Variants in GNG12 observed in about 807,000 individuals in gnomAD.
The protein encoded by GNG12 is guanine nucleotide-binding protein G(I)/G(S)/G(O) subunit gamma-12.
For missense variants in GNG12, 69 were observed against 83.8 expected (o/e 0.82, Z 0.69); for synonymous variants, 28 against 29.7 (o/e 0.94, Z 0.19).
chr1:67,758,345 T>C (rs1021866027), intron 2 of GNG12, among the ~76,000 whole-genome samples: 1 of 152,214 alleles, frequency 6.6e-6, no homozygotes, highest in Non-Finnish European at 1.5e-5. Flanking sequence ...ACTGAACTAA[T>C]ACACCTGGAG....
chr1:67,828,573 T>C (rs919859570), intron 1 of GNG12, among the ~76,000 whole-genome samples: 5 of 152,188 alleles, frequency 3.3e-5, no homozygotes, highest in Admixed American at 3.3e-4. Flanking sequence ...ATATATAATA[T>C]ATACAATTGT....
intron 2 of GNG12, among the ~76,000 whole-genome samples, chr1:67,772,864 C>T (rs1374780830): frequency 6.6e-6 from 1 of 152,220 alleles, no homozygotes; most frequent in Admixed American, 6.5e-5. Context: ...GCAAAAGAGG[C>T]ACCCATAGCT....
intron 1 of GNG12, among the ~76,000 whole-genome samples, chr1:67,788,442 A>G (rs1000547105): frequency 9.2e-5 from 14 of 151,778 alleles, no homozygotes; most frequent in Non-Finnish European, 1.9e-4. Context: ...GGCTCACACA[A>G]TCCTCTTGAG....
intron 1 of GNG12, among the ~76,000 whole-genome samples, chr1:67,826,213 T>C (rs1647009637): frequency 6.6e-6 from 1 of 152,190 alleles, no homozygotes; most frequent in South Asian, 2.1e-4. Flanking sequence ...CTGGTAGCCA[T>C]ATTGTGCCTT....
chr1:67,788,154 T>C (rs1397078224), intron 1 of GNG12, among the ~76,000 whole-genome samples: 1 of 152,200 alleles, frequency 6.6e-6, no homozygotes, highest in Admixed American at 6.5e-5. Context: ...TAATTTACAC[T>C]GAATAATATT....
chr1:67,720,789 C>G (rs1646352386), intron 2 of GNG12, among the ~76,000 whole-genome samples: 1 of 152,124 alleles, frequency 6.6e-6, no homozygotes. Context: ...CCTGGCTTTC[C>G]CAGGCAACAA....
chr1:67,716,006 G>A (rs559125018), intron 2 of GNG12, among the ~76,000 whole-genome samples: 11 of 152,226 alleles, frequency 7.2e-5, no homozygotes, highest in South Asian at 4.1e-4. Context: ...TTGAACCTGC[G>A]GTCAGCTGCA....
chr1:67,815,804 C>A (rs1646950233), intron 1 of GNG12, among the ~76,000 whole-genome samples: 1 of 152,106 alleles, frequency 6.6e-6, no homozygotes. Context: ...AGGAAATGAG[C>A]CAGGATCCAC....
intron 1 of GNG12, among the ~76,000 whole-genome samples, chr1:67,788,310 C>T (rs779821215): frequency 6.6e-6 from 1 of 152,002 alleles, no homozygotes; most frequent in African/African-American, 2.4e-5. Context: ...AAATATCTTT[C>T]AGCTTTAACT....
rs533451568 is a variant in GNG12 at position 67,787,120 on chromosome 1, G to A, written c.-76-9613C>T. On this transcript the variant is annotated intron_variant, in intron 1 of 3. Transcript: ENST00000370982. Reference sequence around the variant, plus strand: ...ACAGTAAGTCATATAAACAACTCACGAGGCCACCATAGCTCCAGTGGCACA... The same window carrying A: ...ACAGTAAGTCATATAAACAACTCACAAGGCCACCATAGCTCCAGTGGCACA... Among the ~76,000 whole-genome samples, 4 of 148,832 alleles carry A rather than the reference G, an allele frequency of 2.7e-5. No homozygotes were observed. In the East Asian group the frequency reaches 7.9e-4, roughly 30 times the overall value.
intron 1 of GNG12, among the ~76,000 whole-genome samples, chr1:67,810,787 C>A (rs1234248121): frequency 1.3e-5 from 2 of 152,132 alleles, no homozygotes; most frequent in Middle Eastern, 6.3e-3. Context: ...GGTTCTAACT[C>A]CAGTTCTGTG....
chr1:67,783,887 C>G (rs892390062), intron 1 of GNG12, among the ~76,000 whole-genome samples: 1 of 150,140 alleles, frequency 6.7e-6, no homozygotes, highest in Admixed American at 6.6e-5. Context: ...ACTAGTTCAA[C>G]CATTGTGGAA....
intron 2 of GNG12, among the ~76,000 whole-genome samples, chr1:67,775,905 G>A (rs1646702359): frequency 6.6e-6 from 1 of 152,162 alleles, no homozygotes; most frequent in Non-Finnish European, 1.5e-5. Flanking sequence ...ATATCTTCAA[G>A]AGAGATACTG....
intron 2 of GNG12, among the ~76,000 whole-genome samples, chr1:67,758,658 A>G (rs1388162754): frequency 6.6e-6 from 1 of 152,232 alleles, no homozygotes; most frequent in Non-Finnish European, 1.5e-5. Flanking sequence ...GGTTGGATAC[A>G]ACTATAGAAC....
intron 2 of GNG12, among the ~76,000 whole-genome samples, chr1:67,745,373 G>A (rs1174383254): frequency 3.9e-5 from 6 of 152,160 alleles, no homozygotes; most frequent in Non-Finnish European, 8.8e-5. Context: ...ATGAATTACT[G>A]CGTGACTTGG....
rs1292308433 is a variant in GNG12, at chr1:67,773,849, A to G, written c.-27+3609T>C. Among the ~76,000 whole-genome samples the G allele has an allele frequency of 3.9e-5, 6 of 152,208 alleles. No homozygotes were observed. In the East Asian group the frequency reaches 1.2e-3, roughly 29 times the overall value. ...AGACGGTCATGACAATCTGAAGTCC[A>G]TTACAAGGTGGGGAGGGGAGGAGGG... On this transcript the variant is annotated intron_variant, in intron 2 of 3. Coordinates refer to ENST00000370982, the MANE Select transcript of GNG12 (RefSeq NM_018841.6).
At chr1:67,729,126 G>C (rs763641258) in intron 2 of GNG12, among the ~76,000 whole-genome samples, 1 of 151,998 alleles carries the variant, frequency 6.6e-6, no homozygotes, top group African/African-American at 2.4e-5. Context: ...CCCATGTTCC[G>C]GGCTGACATC....
At chr1:67,779,694 C>T (rs1423745135) in intron 1 of GNG12, among the ~76,000 whole-genome samples, 1 of 152,168 alleles carries the variant, frequency 6.6e-6, no homozygotes, top group Non-Finnish European at 1.5e-5. Context: ...AGGTAGTATT[C>T]ATTCAATTCA....
chr1:67,770,412 C>T (rs1218812855), intron 2 of GNG12, among the ~76,000 whole-genome samples: 1 of 152,162 alleles, frequency 6.6e-6, no homozygotes, highest in Non-Finnish European at 1.5e-5. Context: ...GCTAAACCAG[C>T]AGGGTGGATG....
Sources: allele counts gnomAD v4.1 joint callset (sites outside exome capture counted in the v4.1 genomes callset), GRCh38; gene constraint gnomAD v4.1.1; transcripts MANE v1.5; gene names NCBI Gene and HGNC (gene_info 2026-07-23, HGNC 2026-07-21).